GSDME: variants seen among roughly 807,000 people sequenced by gnomAD.
The protein encoded by GSDME is gasdermin E, also known as gasdermin-E.
A neutral mutation model predicts 47.5 loss-of-function variants in GSDME; 44 were observed. The ratio of observed to expected loss-of-function variants is 0.93; its 90% confidence interval spans 0.73 to 1.19. GSDME has a LOEUF of 1.19. Among genes scored for constraint, GSDME ranks in the 50% most tolerant of loss-of-function variants. GSDME has a pLI of 0.00. For missense variants in GSDME, 663 were observed against 604.2 expected, an observed-to-expected ratio of 1.10 and a Z score of -1.02; for synonymous variants, 258 against 252.8, an observed-to-expected ratio of 1.02 and a Z score of -0.20.
At chr7:24,722,242 T>C (rs1025654456) in intron 3 of GSDME, among the ~76,000 whole-genome samples, 2 of 152,204 alleles carry the variant, frequency 1.3e-5, no homozygotes, top group Non-Finnish European at 2.9e-5. Flanking sequence ...GTTGAATGAA[T>C]GTGTACATAT....
At position 24,748,168 on chromosome 7, in the gene GSDME, AT is replaced by A. The variant is rs1366320411; in HGVS notation, c.211+1395del. On this transcript the variant is annotated intron_variant, in intron 2 of 9. Coordinates refer to ENST00000645220, the MANE Select transcript of GSDME (RefSeq NM_001127453.2). ...AGTATATATATATATATATATATAT[AT>A]TTTTTTTTGAGATGGAATCTCACTC... is the stretch of plus-strand genomic sequence containing the variant. Among the ~76,000 whole-genome samples the A allele has an allele frequency of 1.4e-3, 167 of 117,490 alleles. 2 individuals carry two copies. The highest frequency in any genetic ancestry group is 5.8e-3 in the South Asian group (19 of 3,288). The allele number at this position is 117,490 out of a possible 152,430, so 77.1% of individuals were successfully genotyped here.
chr7:24,713,734 A>G (rs769258314), intron 5 of GSDME, among the ~76,000 whole-genome samples: 1 of 152,234 alleles, frequency 6.6e-6, no homozygotes, highest in Non-Finnish European at 1.5e-5. Context: ...CAGGTGAGTG[A>G]AGTGGTCAAT....
In GSDME at chr7:24,744,866, A is replaced by G. The variant is rs2521769; in HGVS notation, c.212-112T>C. ...GAGCCCCGGAAAGCAGAAGGCTGGC[A>G]CTCAGATGGAAAGCCGGCAGCCATG... On this transcript the variant is annotated intron_variant, in intron 2 of 9. Coordinates refer to ENST00000645220, the MANE Select transcript of GSDME (RefSeq NM_001127453.2). The surrounding 1 kb of genome is among the most constrained non-coding windows in gnomAD (Gnocchi z 4.5). 0.23 allele frequency: 261,783 copies of G among 1,151,062 alleles called. 34,905 individuals carry two copies. The highest frequency in any genetic ancestry group is 0.57 in the African/African-American group (37,047 of 65,526). The allele number at this position is 1,151,062 out of a possible 1,614,324, so 71.3% of individuals were successfully genotyped here. A position where few individuals can be genotyped will look rare whatever the true frequency, so the allele number is the denominator to read the frequency against.
At chr7:24,710,803 G>A (rs1009764204) in intron 5 of GSDME, among the ~76,000 whole-genome samples, 2 of 152,130 alleles carry the variant, frequency 1.3e-5, no homozygotes, top group Non-Finnish European at 2.9e-5. Context: ...TGGCCAAGTA[G>A]TTATGTGATT....
chr7:24,748,164 A>ATTT (rs1238017137), intron 2 of GSDME, among the ~76,000 whole-genome samples: 42 of 88,646 alleles, frequency 4.7e-4, no homozygotes, highest in African/African-American at 1.9e-3. Flanking sequence ...ATATATATAT[A>ATTT]TATATTTTTT....
In GSDME at chr7:24,710,250, T is replaced by G. The variant is rs140413790; in HGVS notation, c.836A>C (p.Asp279Ala). The change falls in exon 6 of 10, where the codon GAT (aspartate) becomes GCT (alanine). Residue 279 changes from aspartate (D) to alanine (A), a missense_variant. Transcript: ENST00000645220. ...TTGCTTTAAAACACTTAATGGTCCA[T>G]CCTGGGAAGATATCCCATGCGCAGC... ...PDAAHGISSQ[D>A]GPLSVLKQAT... The G allele has an allele frequency of 3.1e-6, 5 of 1,614,004 alleles. No homozygotes were observed. In the African/African-American group the frequency reaches 6.7e-5, roughly 22 times the overall value.
upstream of GSDME, among the ~76,000 whole-genome samples, chr7:24,761,768 A>T (rs1791168874): frequency 1.3e-5 from 2 of 152,260 alleles, no homozygotes; most frequent in Non-Finnish European, 2.9e-5. This position sits in a 1 kb window ranked among gnomAD's most constrained non-coding sequence, Gnocchi z 4.4. Flanking sequence ...GGGCTCCAAA[A>T]GCAAATGTTC....
Position 24,733,612 on chromosome 7 carries a change from C to A in GSDME, c.404+10950G>T, listed in dbSNP as rs1189390757. 6.6e-6 allele frequency among the ~76,000 whole-genome samples: 1 copy of A among 152,112 alleles called. No homozygotes were observed. The highest frequency in any genetic ancestry group is 1.5e-5 in the Non-Finnish European group (1 of 68,020). On this transcript the variant is annotated intron_variant, in intron 3 of 9. Transcript: ENST00000645220. The surrounding 1 kb of genome is among the most constrained non-coding windows in gnomAD (Gnocchi z 4.3). ...CACAAGCTGACTAAAGAGCCCCTGG[C>A]CTTAAGTGAATATGGGTGGTGGCCT... is the stretch of plus-strand genomic sequence containing the variant.
the GSDME span, among the ~76,000 whole-genome samples, chr7:24,782,586 A>G: frequency 2.0e-5 from 3 of 152,302 alleles, no homozygotes; most frequent in South Asian, 6.2e-4. Context: ...ATACCCAGTA[A>G]TGGGATGGCT....
At position 24,698,580 on chromosome 7, in the gene GSDME, T is replaced by C. The variant is rs1788729798; in HGVS notation, c.*446A>G. 1 of 248,004 alleles carries C rather than the reference T, an allele frequency of 4.0e-6. No homozygotes were observed. The highest frequency in any genetic ancestry group is 7.9e-6 in the Non-Finnish European group (1 of 126,616). 15.4% of individuals were successfully genotyped at this position (248,004 alleles called of 1,614,324 possible). ...TTACAGTTCATTTTCAGTCATCAAA[T>C]AACATACATCACTTCCAAAACGTAG... On this transcript the variant is annotated 3_prime_UTR_variant, in exon 10 of 10. Transcript: ENST00000645220.
Position 24,745,682 on chromosome 7 carries a change from T to C in GSDME, c.212-928A>G, listed in dbSNP as rs1474775891. ...AATTTAGGAGGCTGAGGCAGGAGGA[T>C]CCCTTGAGGTCAGAAGTTCAAGACC... On this transcript the variant is annotated intron_variant, in intron 2 of 9. Transcript: ENST00000645220. The surrounding 1 kb of genome is among the most constrained non-coding windows in gnomAD (Gnocchi z 4.4). Among the ~76,000 whole-genome samples, 1 of 151,992 alleles carries C rather than the reference T, an allele frequency of 6.6e-6. No individual in the cohort carries two copies. Among genetic ancestry groups the C allele is most frequent in the African/African-American group, 2.4e-5 (1 of 41,370 alleles).
rs371635660 is a variant in GSDME, at chr7:24,744,770, C to T, written c.212-16G>A. 1.7e-5 allele frequency: 27 copies of T among 1,613,582 alleles called. No homozygotes were observed. The highest frequency in any genetic ancestry group is 2.2e-5 in the South Asian group (2 of 91,056). ...TCCACGACCACTGGAATGGAGGAGA[C>T]GAGCAGAGGAAGCCGATGATGATAA... On this transcript the variant is annotated splice_polypyrimidine_tract_variant and intron_variant, in intron 2 of 9. Coordinates refer to ENST00000645220, the MANE Select transcript of GSDME (RefSeq NM_001127453.2). The surrounding 1 kb of genome is among the most constrained non-coding windows in gnomAD (Gnocchi z 4.5).
chr7:24,763,977 C>T, the GSDME span, among the ~76,000 whole-genome samples: 3 of 152,136 alleles, frequency 2.0e-5, no homozygotes, highest in African/African-American at 7.2e-5. This position sits in a 1 kb window ranked among gnomAD's most constrained non-coding sequence, Gnocchi z 4.3. Flanking sequence ...TAAAACGAGC[C>T]GTTCTTAATC....
Position 24,708,179 on chromosome 7 carries a change from ATGTCACTCAAAGCTGTC to A in GSDME, c.921_937del (p.Gln307HisfsTer8). On this transcript the variant is annotated frameshift_variant, in exon 7 of 10. Coordinates refer to ENST00000645220, the MANE Select transcript of GSDME (RefSeq NM_001127453.2). LOFTEE classifies it high-confidence loss of function. ...ATCATCAAATAGGACCGCCTGGAAG[ATGTCACTCAAAGCTGTC>A]TGTTGTGGCTCAGGCAGCTCCGCAA... 6.2e-7 allele frequency: 1 copy of A among 1,614,208 alleles called. No homozygotes were observed.
At chr7:24,776,257 AGTG>A in the GSDME span, among the ~76,000 whole-genome samples, 1 of 151,706 alleles carries the variant, frequency 6.6e-6, no homozygotes, top group Non-Finnish European at 1.5e-5. Flanking sequence ...TCCAGGCCAC[AGTG>A]GACGTGGTGG....
chr7:24,728,371 G>A lies in GSDME; in HGVS notation c.405-9153C>T, dbSNP rs1027588993. On this transcript the variant is annotated intron_variant, in intron 3 of 9. Coordinates refer to ENST00000645220, the MANE Select transcript of GSDME (RefSeq NM_001127453.2). This position sits in a 1 kb window ranked among gnomAD's most constrained non-coding sequence, Gnocchi z 7.2. ...CAGTCAACCGGGACGCACCCTCTTC[G>A]AGATGTTTTCTTATGTGAGATAATA... 1.3e-5 allele frequency among the ~76,000 whole-genome samples: 2 copies of A among 152,142 alleles called. No individual in the cohort carries two copies. Among genetic ancestry groups the A allele is most frequent in the Admixed American group, 1.3e-4 (2 of 15,274 alleles).
At chr7:24,713,438 A>G (rs1409257801) in intron 5 of GSDME, among the ~76,000 whole-genome samples, 2 of 152,180 alleles carry the variant, frequency 1.3e-5, no homozygotes, top group Non-Finnish European at 2.9e-5. Context: ...TTCACTTTAA[A>G]ATATCTTAGG....
Position 24,749,431 on chromosome 7 carries a change from G to A in GSDME, c.211+133C>T, listed in dbSNP as rs149920782. The A allele has an allele frequency of 1.9e-3, 1,474 of 762,114 alleles. 14 individuals carry two copies. Among genetic ancestry groups the A allele is most frequent in the South Asian group, 0.012 (739 of 62,902 alleles). The allele number at this position is 762,114 out of a possible 1,614,324, so 47.2% of individuals were successfully genotyped here. On this transcript the variant is annotated intron_variant, in intron 2 of 9. Coordinates refer to ENST00000645220, the MANE Select transcript of GSDME (RefSeq NM_001127453.2). ...GCAGGAGAATCACCTGAACCTGGGAGGCAGAGGTTGCAATGGGCCAAGATC... is the reference window on the plus strand; with the variant it reads ...GCAGGAGAATCACCTGAACCTGGGAAGCAGAGGTTGCAATGGGCCAAGATC...
Position 24,719,134 on chromosome 7 carries a change from C to T in GSDME, c.489G>A (p.Thr163=), listed in dbSNP as rs754555. 280,009 of 1,613,482 alleles carry T rather than the reference C, an allele frequency of 0.17. 27,809 individuals are homozygous for T. The highest frequency in any genetic ancestry group is 0.44 in the East Asian group (19,733 of 44,864). Residue 163 remains threonine (T), a synonymous_variant, in exon 4 of 10, where the codon ACG becomes ACA. Coordinates refer to ENST00000645220, the MANE Select transcript of GSDME (RefSeq NM_001127453.2). ...EVLCVLTQKI[T]TMQKCVISEH... ...CAGAGATCACACACTTCTGCATCGTCGTGATCTTCTGTGTCAAAACGCACA... is the reference window on the plus strand; with the variant it reads ...CAGAGATCACACACTTCTGCATCGTTGTGATCTTCTGTGTCAAAACGCACA...
Sources: allele counts gnomAD v4.1 joint callset (sites outside exome capture counted in the v4.1 genomes callset), GRCh38; gene constraint gnomAD v4.1.1; non-coding constraint Gnocchi (gnomAD v3.1); transcripts MANE v1.5; gene names NCBI Gene and HGNC (gene_info 2026-07-23, HGNC 2026-07-21).